NAALAD2: variants seen among roughly 807,000 people sequenced by gnomAD.
NAALAD2 encodes the protein N-acetylated alpha-linked acidic dipeptidase 2, also known as N-acetylated-alpha-linked acidic dipeptidase 2.
A neutral mutation model predicts 95.6 loss-of-function variants in NAALAD2; 89 were observed. That is an observed-to-expected ratio of 0.93 (90% CI 0.78 to 1.11). NAALAD2 has a LOEUF of 1.11. NAALAD2 is among the 50% of genes least tolerant of loss of function. The pLI, the probability that NAALAD2 is intolerant of heterozygous loss-of-function variation, is 0.00. For synonymous variants in NAALAD2, 264 were observed against 294.4 expected (o/e 0.90, Z 1.06); for missense variants, 894 against 872.4 (o/e 1.02, Z -0.31).
At chr11:90,182,566 C>G (rs1440138043) in intron 17 of NAALAD2, among the ~76,000 whole-genome samples, 1 of 152,044 alleles carries the variant, frequency 6.6e-6, no homozygotes, top group African/African-American at 2.4e-5. Flanking sequence ...GCAGTAGAAC[C>G]GAATGACTTA....
intron 18 of NAALAD2, among the ~76,000 whole-genome samples, chr11:90,187,428 CATATT>C (rs1351269412): frequency 6.6e-6 from 1 of 152,050 alleles, no homozygotes; most frequent in Non-Finnish European, 1.5e-5. Flanking sequence ...AATGCTAATT[CATATT>C]ATTATGTTTT....
At chr11:90,148,960 A>G (rs569904650) in intron 3 of NAALAD2, 46 bp from the exon 4 acceptor site, 1 of 1,217,070 alleles carries the variant, frequency 8.2e-7, no homozygotes, top group Non-Finnish European at 1.2e-6. Flanking sequence ...ATATCTTAAT[A>G]ATAATCTGGA....
chr11:90,132,705 G>C (rs1306777186), upstream of NAALAD2, among the ~76,000 whole-genome samples: 3 of 151,952 alleles, frequency 2.0e-5, no homozygotes, highest in African/African-American at 4.8e-5. Flanking sequence ...ATATTTGAGG[G>C]GTTTAGTTAC....
chr11:90,159,587 A>T (rs1952225485), intron 8 of NAALAD2, among the ~76,000 whole-genome samples: 1 of 152,192 alleles, frequency 6.6e-6, no homozygotes. Context: ...AAGATTTTTC[A>T]AAATTCTCTC....
rs1405868817 is a variant in NAALAD2 at position 90,167,436 on chromosome 11, G to A, written c.1279-1493G>A. Among the ~76,000 whole-genome samples, 4 of 152,092 alleles carry A rather than the reference G, an allele frequency of 2.6e-5. No individual in the cohort carries two copies. In the East Asian group the frequency reaches 5.8e-4, roughly 22 times the overall value. On this transcript the variant is annotated intron_variant, in intron 11 of 18. Transcript: ENST00000534061. The stretch of plus-strand genomic sequence containing the variant: ...ATGCCTGAGCCTGCGCCCCCGCCGC[G>A]GCCGCTGCACAGCCGGAGCCTCCCG...
chr11:90,150,566 A>T lies in NAALAD2; in HGVS notation c.568A>T (p.Ile190Phe), dbSNP rs1951863622. ...REMGINCTGK[I>F]VIARYGKIFR... Reference sequence around the variant, plus strand: ...GATGGGCATCAACTGTACTGGGAAGATTGTTATTGCAAGATATGGAAAAAT... The same window carrying T: ...GATGGGCATCAACTGTACTGGGAAGTTTGTTATTGCAAGATATGGAAAAAT... Residue 190 changes from isoleucine to phenylalanine, a missense_variant, in exon 5 of 19, where the codon ATT (isoleucine) becomes TTT (phenylalanine). Ile to Phe is a conservative substitution (Grantham distance 21). Transcript: ENST00000534061. The T allele has an allele frequency of 1.9e-6, 3 of 1,605,668 alleles. No individual in the cohort carries two copies. In the South Asian group the frequency reaches 3.3e-5, roughly 18 times the overall value.
Position 90,173,827 on chromosome 11 carries a change from C to G in NAALAD2, c.1414C>G (p.Pro472Ala). Reference protein sequence around the residue: ...QLVYKLTKEIPSPDDGFESKS... With the variant: ...QLVYKLTKEIASPDDGFESKS... ...AGTATTTGATTTCTCTTTCCAGATC[C>G]CCAGCCCTGATGATGGGTTTGAGAG... The change falls in exon 14 of 19, where the codon CCC (proline) becomes GCC (alanine). Residue 472 changes from proline (P) to alanine (A), a missense_variant. Coordinates refer to ENST00000534061, the MANE Select transcript of NAALAD2 (RefSeq NM_005467.4). 6.2e-7 allele frequency: 1 copy of G among 1,611,352 alleles called. No homozygotes were observed. The highest frequency in any genetic ancestry group is 8.5e-7 in the Non-Finnish European group (1 of 1,178,834).
At position 90,170,082 on chromosome 11, in the gene NAALAD2, C is replaced by T. The variant is rs1411376546; in HGVS notation, c.1356C>T (p.Leu452=). ...SDSSIEGNYT[L]RVDCTPLLYQ... The stretch of plus-strand genomic sequence containing the variant: ...TTTATTTTTCAGGCAATTATACTCT[C>T]AGAGTTGACTGTACTCCCCTTCTTT... The change falls in exon 13 of 19, where the codon CTC becomes CTT. Residue 452 remains leucine (L), a synonymous_variant. Coordinates refer to ENST00000534061, the MANE Select transcript of NAALAD2 (RefSeq NM_005467.4). 6.3e-7 allele frequency: 1 copy of T among 1,583,646 alleles called. No homozygotes were observed. The highest frequency in any genetic ancestry group is 2.2e-5 in the East Asian group (1 of 44,556).
intron 5 of NAALAD2, 150 bp from the exon 6 acceptor site, chr11:90,152,148 T>C (rs1951904037): frequency 3.2e-6 from 2 of 617,938 alleles, no homozygotes; most frequent in Non-Finnish European, 5.1e-6. Context: ...AGGTGGGAAA[T>C]TGTGTTCAAA....
At chr11:90,184,947 G>C (rs1857089886) in intron 18 of NAALAD2, among the ~76,000 whole-genome samples, 1 of 151,968 alleles carries the variant, frequency 6.6e-6, no homozygotes, top group Non-Finnish European at 1.5e-5. Flanking sequence ...ACAACTATTT[G>C]CATAGCATTT....
intron 15 of NAALAD2, among the ~76,000 whole-genome samples, chr11:90,177,231 C>T (rs899106038): frequency 1.9e-4 from 29 of 151,786 alleles, no homozygotes; most frequent in Admixed American, 1.6e-3. Flanking sequence ...GCTTAAATGA[C>T]ATTTAGATAT....
At chr11:90,156,915 T>C (rs1952133208) in intron 6 of NAALAD2, among the ~76,000 whole-genome samples, 1 of 152,196 alleles carries the variant, frequency 6.6e-6, no homozygotes, top group Admixed American at 6.5e-5. Flanking sequence ...TATTTGAGGA[T>C]GTTCTAGGTA....
upstream of NAALAD2, among the ~76,000 whole-genome samples, chr11:90,133,035 C>T (rs542729335): frequency 1.1e-4 from 16 of 152,170 alleles, no homozygotes; most frequent in South Asian, 3.3e-3. Flanking sequence ...GCATACCTAT[C>T]AACAATTATG....
At chr11:90,181,060 T>C (rs79870906) in intron 16 of NAALAD2, among the ~76,000 whole-genome samples, 2,758 of 152,210 alleles carry the variant, frequency 0.018, 80 homozygotes, top group African/African-American at 0.062. Context: ...GCCTCACTGA[T>C]ACTGAGGTAT....
chr11:90,132,142 C>G (rs1590944503), upstream of NAALAD2: 1 of 152,706 alleles, frequency 6.5e-6, no homozygotes, highest in South Asian at 2.1e-4. Context: ...GCTAACTGGG[C>G]TTTTTACAAT....
chr11:90,165,401 C>T (rs1182690591), intron 11 of NAALAD2, among the ~76,000 whole-genome samples: 6 of 152,170 alleles, frequency 3.9e-5, no homozygotes, highest in African/African-American at 1.4e-4. Flanking sequence ...TACCTTCCCT[C>T]CTCCATCTGC....
intron 1 of NAALAD2, 114 bp from the exon 2 acceptor site, chr11:90,135,444 TA>T: frequency 1.9e-6 from 1 of 536,012 alleles, no homozygotes; most frequent in South Asian, 4.2e-5. Flanking sequence ...CACCATGATC[TA>T]CTTGTCAGAT....
Position 90,150,475 on chromosome 11 carries a change from C to G in NAALAD2, c.484-7C>G. 6.3e-7 allele frequency: 1 copy of G among 1,580,134 alleles called. No homozygotes were observed. Among genetic ancestry groups the G allele is most frequent in the Non-Finnish European group, 8.6e-7 (1 of 1,159,524 alleles). ...GCAGTATTATATATATTTTCTTTTC[C>G]CTATAGGGAGATCTTGTATATGTGA... On this transcript the variant is annotated splice_region_variant and splice_polypyrimidine_tract_variant and intron_variant, in intron 4 of 18. Transcript: ENST00000534061.
Position 90,171,116 on chromosome 11 carries a change from C to G in NAALAD2, c.1410+980C>G, listed in dbSNP as rs994721613. Among the ~76,000 whole-genome samples the G allele has an allele frequency of 2.6e-5, 4 of 152,110 alleles. No individual in the cohort carries two copies. The East Asian group carries it at 7.7e-4, about 29-fold the overall frequency. The stretch of plus-strand genomic sequence containing the variant: ...ATGAGTTATAGATATTTTAAGAACT[C>G]TAAAATCTAAAGGACTCTGAATCTC... On this transcript the variant is annotated intron_variant, in intron 13 of 18. Coordinates refer to ENST00000534061, the MANE Select transcript of NAALAD2 (RefSeq NM_005467.4).
Sources: gnomAD v4.1 joint callset for allele counts (sites outside exome capture counted in the v4.1 genomes callset) on GRCh38, gnomAD v4.1.1 for gene constraint, MANE v1.5 for transcripts, NCBI Gene and HGNC (gene_info 2026-07-23, HGNC 2026-07-21) for gene names.